PLCB1: variants seen among roughly 807,000 people sequenced by gnomAD.
PLCB1 encodes the protein 1-phosphatidylinositol 4,5-bisphosphate phosphodiesterase beta-1.
A neutral mutation model predicts 161.8 loss-of-function variants in PLCB1; 46 were observed. The ratio of observed to expected loss-of-function variants is 0.28; its 90% CI spans 0.22 to 0.36. The LOEUF (loss-of-function observed/expected upper bound fraction) is 0.36, where lower values mean the gene tolerates loss of function less well. Among genes scored for constraint, PLCB1 ranks in the 10% least tolerant of loss-of-function variants. The pLI, the probability that PLCB1 is intolerant of heterozygous loss-of-function variation, is 1.00. For missense variants in PLCB1, 1,016 were observed against 1,472.5 expected (o/e 0.69, Z 5.07); for synonymous variants, 517 against 503.7 (o/e 1.03, Z -0.35).
chr20:8,461,727 G>A (rs895703740), intron 3 of PLCB1, among the ~76,000 whole-genome samples: 1 of 152,086 alleles, frequency 6.6e-6, no homozygotes, highest in East Asian at 1.9e-4. Context: ...AAGTAGTTTC[G>A]ACGGTCAAGG....
At chr20:8,751,803 A>G (rs1981494556) in intron 23 of PLCB1, 1 of 152,190 alleles carries the variant, frequency 6.6e-6, no homozygotes, top group African/African-American at 2.4e-5. Flanking sequence ...TTTGAATCAA[A>G]TTAAGAAACT....
At chr20:8,203,804 C>T (rs973146593) in intron 2 of PLCB1, among the ~76,000 whole-genome samples, 3 of 152,086 alleles carry the variant, frequency 2.0e-5, no homozygotes, top group Non-Finnish European at 4.4e-5. Flanking sequence ...TTTTTTAATA[C>T]GTGCCTTAGT....
intron 31 of PLCB1, among the ~76,000 whole-genome samples, chr20:8,831,914 CTTTCTTTCTTTCTT>C (rs1392624948): frequency 1.9e-4 from 2 of 10,376 alleles, no homozygotes; most frequent in African/African-American, 6.9e-4. Flanking sequence ...CTTTCTTTCT[CTTTCTTTCTTTCTT>C]TCTTTCTTTC....
chr20:8,800,120 T>G (rs772736925), intron 31 of PLCB1, among the ~76,000 whole-genome samples: 1 of 152,126 alleles, frequency 6.6e-6, no homozygotes, highest in Admixed American at 6.5e-5. Context: ...TACTTGGAGA[T>G]GAGAGAAAAG....
intron 4 of PLCB1, among the ~76,000 whole-genome samples, chr20:8,630,107 C>T (rs1348100532): frequency 7.2e-6 from 1 of 138,638 alleles, no homozygotes; most frequent in East Asian, 2.1e-4. Flanking sequence ...GATGGAGTCT[C>T]ACTCTGTCGC....
At chr20:8,795,506 G>A (rs1983972152) in intron 31 of PLCB1, among the ~76,000 whole-genome samples, 1 of 152,194 alleles carries the variant, frequency 6.6e-6, no homozygotes, top group Non-Finnish European at 1.5e-5. Flanking sequence ...CTAGCAATGA[G>A]ATATTCGATT....
intron 3 of PLCB1, among the ~76,000 whole-genome samples, chr20:8,524,725 C>T (rs906409677): frequency 3.3e-5 from 5 of 152,176 alleles, no homozygotes; most frequent in African/African-American, 7.2e-5. Context: ...CATTGACACT[C>T]TTTGTAAGCC....
chr20:8,756,298 G>A (rs1299828049), intron 23 of PLCB1, among the ~76,000 whole-genome samples: 3 of 152,140 alleles, frequency 2.0e-5, no homozygotes, highest in Non-Finnish European at 4.4e-5. Flanking sequence ...TAAGGATAAA[G>A]AAATTGAAGC....
intron 3 of PLCB1, among the ~76,000 whole-genome samples, chr20:8,453,348 G>A (rs927133322): frequency 1.3e-5 from 2 of 152,196 alleles, no homozygotes; most frequent in Non-Finnish European, 2.9e-5. Flanking sequence ...CACTTTGGAG[G>A]TAAATAGACT....
At chr20:8,675,286 A>G (rs934052522) in intron 9 of PLCB1, among the ~76,000 whole-genome samples, 4 of 152,164 alleles carry the variant, frequency 2.6e-5, no homozygotes, top group African/African-American at 9.7e-5. Flanking sequence ...AGAAGCCAAG[A>G]TATCCAAGCT....
At chr20:8,251,737 A>G (rs1981158320) in intron 2 of PLCB1, among the ~76,000 whole-genome samples, 1 of 151,964 alleles carries the variant, frequency 6.6e-6, no homozygotes, top group Admixed American at 6.6e-5. Context: ...AACTCAGATT[A>G]CATAGTTGCG....
intron 3 of PLCB1, among the ~76,000 whole-genome samples, chr20:8,380,304 T>C (rs537296999): frequency 4.6e-5 from 7 of 152,042 alleles, no homozygotes; most frequent in Non-Finnish European, 8.8e-5. Flanking sequence ...CCATTGGTTC[T>C]GTATGTCTGT....
chr20:8,672,849 C>G (rs1989982917), intron 9 of PLCB1, among the ~76,000 whole-genome samples: 2 of 152,050 alleles, frequency 1.3e-5, no homozygotes, highest in Admixed American at 1.3e-4. Context: ...CGGTGGCTCA[C>G]ATCTGTAATC....
intron 5 of PLCB1, among the ~76,000 whole-genome samples, chr20:8,647,193 CCTT>C (rs1344741248): frequency 6.6e-6 from 1 of 152,132 alleles, no homozygotes; most frequent in African/African-American, 2.4e-5. Context: ...ATTTTATCAT[CCTT>C]CTTCTAGAAT....
chr20:8,338,253 T>C (rs1012473632), intron 2 of PLCB1, among the ~76,000 whole-genome samples: 13 of 152,206 alleles, frequency 8.5e-5, no homozygotes, highest in African/African-American at 2.4e-5. Context: ...ATGTTAATTA[T>C]TCACGGAGTT....
rs112518161 is a variant in PLCB1 at position 8,836,628 on chromosome 20, C to T, written c.3424-44994C>T. On this transcript the variant is annotated intron_variant, in intron 31 of 31. Transcript: ENST00000338037. ...ATAAAGAGGGCACTGATAGATAGTC[C>T]GTGGTGTACTCTGTCAATAGAGATA... Among the ~76,000 whole-genome samples, 743 of 151,370 alleles carry T rather than the reference C, an allele frequency of 4.9e-3. 11 individuals are homozygous for T. Among genetic ancestry groups the T allele is most frequent in the African/African-American group, 0.017 (690 of 41,436 alleles).
At chr20:8,363,474 A>C (rs1022626827) in intron 2 of PLCB1, among the ~76,000 whole-genome samples, 1 of 152,138 alleles carries the variant, frequency 6.6e-6, no homozygotes, top group South Asian at 2.1e-4. Flanking sequence ...TGCTGCTTCA[A>C]GTCTCTTGCT....
intron 2 of PLCB1, among the ~76,000 whole-genome samples, chr20:8,180,072 A>T (rs1161028567): frequency 6.6e-6 from 1 of 151,466 alleles, no homozygotes; most frequent in Non-Finnish European, 1.5e-5. Context: ...TTTAGCCAGG[A>T]TGGTCTCGAT....
chr20:8,706,629 C>T (rs1978694187), intron 11 of PLCB1, among the ~76,000 whole-genome samples: 1 of 152,164 alleles, frequency 6.6e-6, no homozygotes. Flanking sequence ...GACCTCTATT[C>T]TCAGTTCTTT....
Sources: gnomAD v4.1 joint callset for allele counts (sites outside exome capture counted in the v4.1 genomes callset) on GRCh38, gnomAD v4.1.1 for gene constraint, MANE v1.5 for transcripts, NCBI Gene and HGNC (gene_info 2026-07-23, HGNC 2026-07-21) for gene names.